COMMD10: variants seen among roughly 807,000 people sequenced by gnomAD.
The protein encoded by COMMD10 is COMM domain containing 10, also known as COMM domain-containing protein 10.
COMMD10 carries 33 observed loss-of-function variants against 28.9 expected under a neutral mutation model. The observed-to-expected ratio is 1.14, with a 90% CI of 0.87 to 1.53. The LOEUF (loss-of-function observed/expected upper bound fraction) is 1.53. Among genes scored for constraint, COMMD10 ranks in the 40% most tolerant of loss-of-function variants. The probability of loss-of-function intolerance (pLI) is 0.00; values close to 1 mark genes in which losing one functional copy is unlikely to be tolerated. For synonymous variants in COMMD10, 110 were observed against 81.7 expected (o/e 1.35, Z -1.87); for missense variants, 310 against 233.4 (o/e 1.33, Z -2.14).
intron 4 of COMMD10, among the ~76,000 whole-genome samples, chr5:116,122,469 T>C (rs1426990717): frequency 3.3e-5 from 5 of 152,248 alleles, no homozygotes; most frequent in Non-Finnish European, 7.3e-5. Context: ...ATGAGGGCTC[T>C]TTTTTGGTTC....
chr5:116,111,416 T>G (rs112360770), intron 4 of COMMD10, among the ~76,000 whole-genome samples: 3,193 of 152,302 alleles, frequency 0.021, 109 homozygotes, highest in African/African-American at 0.074. Context: ...TGCTGCAAAA[T>G]TCCTTCTTAG....
chr5:116,193,399 A>G (rs796357453), intron 5 of COMMD10, among the ~76,000 whole-genome samples: 41 of 152,296 alleles, frequency 2.7e-4, no homozygotes, highest in African/African-American at 7.0e-4. Context: ...ATTTACCAAC[A>G]AACTATCTGC....
chr5:116,205,681 A>G (rs1220975050), intron 5 of COMMD10, among the ~76,000 whole-genome samples: 1 of 152,124 alleles, frequency 6.6e-6, no homozygotes, highest in African/African-American at 2.4e-5. Flanking sequence ...TCTAAATAGC[A>G]TTCTATTTCA....
At chr5:116,220,197 T>G (rs1269851856) in intron 5 of COMMD10, among the ~76,000 whole-genome samples, 6 of 152,188 alleles carry the variant, frequency 3.9e-5, no homozygotes, top group Non-Finnish European at 8.8e-5. Flanking sequence ...AAAAATTGTT[T>G]GTAGGTACCT....
chr5:116,090,939 A>G (rs996617691), intron 2 of COMMD10, 140 bp from the exon 3 acceptor site: 16 of 550,780 alleles, frequency 2.9e-5, no homozygotes, highest in Non-Finnish European at 5.2e-5. Flanking sequence ...TTATAAATTT[A>G]CATGCACATC....
chr5:116,215,129 A>G (rs1749063074), intron 5 of COMMD10, among the ~76,000 whole-genome samples: 1 of 151,990 alleles, frequency 6.6e-6, no homozygotes, highest in South Asian at 2.1e-4. Flanking sequence ...TTGATATATA[A>G]TAATTATACT....
At chr5:116,270,893 C>A (rs1250809240) in intron 5 of COMMD10, among the ~76,000 whole-genome samples, 1 of 149,684 alleles carries the variant, frequency 6.7e-6, no homozygotes, top group African/African-American at 2.5e-5. Context: ...CAGCCGAGAT[C>A]ACACCATTAC....
intron 5 of COMMD10, among the ~76,000 whole-genome samples, chr5:116,268,866 A>T (rs570953297): frequency 1.3e-5 from 2 of 151,696 alleles, no homozygotes; most frequent in African/African-American, 4.9e-5. Flanking sequence ...CAAACACCGC[A>T]TATTCTCACT....
intron 4 of COMMD10, among the ~76,000 whole-genome samples, chr5:116,115,972 T>C (rs1580457114): frequency 6.6e-6 from 1 of 152,180 alleles, no homozygotes; most frequent in Non-Finnish European, 1.5e-5. Context: ...TCAACAGTTC[T>C]GTCTAGTTTG....
chr5:116,129,826 A>G (rs13190269), intron 4 of COMMD10, among the ~76,000 whole-genome samples: 7,538 of 54,244 alleles, frequency 0.14, 641 homozygotes, highest in Non-Finnish European at 0.26. Flanking sequence ...TATATATAGT[A>G]TAGTATATAT....
intron 5 of COMMD10, among the ~76,000 whole-genome samples, chr5:116,255,306 T>G (rs1750250803): frequency 6.6e-6 from 1 of 151,776 alleles, no homozygotes; most frequent in Admixed American, 6.6e-5. Flanking sequence ...ACATTTAAAG[T>G]TAATAGTGTT....
At chr5:116,155,661 T>G (rs1752681989) in intron 5 of COMMD10, among the ~76,000 whole-genome samples, 1 of 152,076 alleles carries the variant, frequency 6.6e-6, no homozygotes, top group African/African-American at 2.4e-5. Flanking sequence ...ATTTGAAGAA[T>G]TCTAACATAG....
chr5:116,209,421 T>C (rs1361674957), intron 5 of COMMD10, among the ~76,000 whole-genome samples: 1 of 152,198 alleles, frequency 6.6e-6, no homozygotes, highest in African/African-American at 2.4e-5. Flanking sequence ...TAGTGTTTCT[T>C]GGCAAATCAC....
chr5:116,121,264 G>T (rs1751424691), intron 4 of COMMD10, among the ~76,000 whole-genome samples: 1 of 152,122 alleles, frequency 6.6e-6, no homozygotes, highest in Non-Finnish European at 1.5e-5. Flanking sequence ...AGTTTGCTGA[G>T]AATGATGGTT....
intron 4 of COMMD10, among the ~76,000 whole-genome samples, chr5:116,118,239 T>A (rs1406910330): frequency 6.6e-6 from 1 of 152,226 alleles, no homozygotes; most frequent in Non-Finnish European, 1.5e-5. Flanking sequence ...TTTTATTATC[T>A]TATTTTTCTC....
At chr5:116,239,276 T>C (rs954991252) in intron 5 of COMMD10, among the ~76,000 whole-genome samples, 2 of 152,342 alleles carry the variant, frequency 1.3e-5, no homozygotes, top group Admixed American at 6.5e-5. Flanking sequence ...ACTTTTTAAA[T>C]ATGCTTCTAT....
intron 4 of COMMD10, among the ~76,000 whole-genome samples, chr5:116,110,423 G>A (rs1048629371): frequency 9.9e-5 from 15 of 152,104 alleles, no homozygotes; most frequent in African/African-American, 3.6e-4. Context: ...CAACTTTTTG[G>A]AACAGTTTTA....
intron 5 of COMMD10, among the ~76,000 whole-genome samples, chr5:116,261,411 C>T (rs532092607): frequency 7.9e-5 from 12 of 151,484 alleles, no homozygotes; most frequent in Non-Finnish European, 1.6e-4. Context: ...AGGTGGTGGT[C>T]GTCCTCCTTA....
intron 5 of COMMD10, among the ~76,000 whole-genome samples, chr5:116,258,552 C>G (rs1029796734): frequency 6.6e-6 from 1 of 151,384 alleles, no homozygotes; most frequent in South Asian, 2.1e-4. Context: ...TATATTTATT[C>G]TCACTTGATT....
Sources: gnomAD v4.1 joint callset for allele counts (sites outside exome capture counted in the v4.1 genomes callset) on GRCh38, gnomAD v4.1.1 for gene constraint, MANE v1.5 for transcripts, NCBI Gene and HGNC (gene_info 2026-07-23, HGNC 2026-07-21) for gene names.